LIMA1: variants seen among roughly 807,000 people sequenced by gnomAD.
The protein encoded by LIMA1 is LIM domain and actin binding 1.
Under a neutral mutation model 62.6 loss-of-function variants are expected in LIMA1, and 52 were observed. That is an observed-to-expected ratio of 0.83 (90% confidence interval 0.67 to 1.05). LIMA1 has a LOEUF of 1.05. Among genes scored for constraint, LIMA1 ranks in the 50% least tolerant of loss-of-function variants. LIMA1 has a pLI of 0.00. For synonymous variants in LIMA1, 302 were observed against 317.8 expected, an observed-to-expected ratio of 0.95 and a Z score of 0.53; for missense variants, 780 against 902.2, an observed-to-expected ratio of 0.86 and a Z score of 1.74.
chr12:50,199,208 G>A (rs960817412), intron 7 of LIMA1, among the ~76,000 whole-genome samples: 6 of 152,110 alleles, frequency 3.9e-5, no homozygotes, highest in Admixed American at 1.3e-4. Context: ...GCACGTACCC[G>A]GAATCACAGT....
At chr12:50,280,082 T>C (rs1012726354) in intron 1 of LIMA1, among the ~76,000 whole-genome samples, 2 of 149,154 alleles carry the variant, frequency 1.3e-5, no homozygotes, top group African/African-American at 2.5e-5. Context: ...TTATCAGAAG[T>C]ACAAAAAAGT....
intron 5 of LIMA1, among the ~76,000 whole-genome samples, chr12:50,204,943 G>A (rs776023125): frequency 6.6e-6 from 1 of 152,078 alleles, no homozygotes; most frequent in Admixed American, 6.6e-5. Flanking sequence ...TAAATTTTGG[G>A]TTATTTTTAT....
At chr12:50,267,521 C>T (rs1381730082) in intron 1 of LIMA1, among the ~76,000 whole-genome samples, 2 of 142,902 alleles carry the variant, frequency 1.4e-5, no homozygotes, top group Admixed American at 7.0e-5. Context: ...CCCCTGGCCA[C>T]ATTTACTTTT....
intron 3 of LIMA1, among the ~76,000 whole-genome samples, chr12:50,228,747 ATG>A (rs1941567929): frequency 6.6e-6 from 1 of 152,240 alleles, no homozygotes; most frequent in Non-Finnish European, 1.5e-5. Flanking sequence ...TTAATAAAAC[ATG>A]TTACAGTTTA....
intron 1 of LIMA1, among the ~76,000 whole-genome samples, chr12:50,257,315 TC>T (rs1942009308): frequency 6.6e-6 from 1 of 152,178 alleles, no homozygotes; most frequent in Non-Finnish European, 1.5e-5. Context: ...TCCAGGCTGG[TC>T]TCAAATTCCT....
intron 3 of LIMA1, among the ~76,000 whole-genome samples, chr12:50,226,964 G>A (rs1941539717): frequency 6.7e-6 from 1 of 148,928 alleles, no homozygotes; most frequent in Admixed American, 6.7e-5. Context: ...TATATGGTGG[G>A]GTCCCTCAGG....
chr12:50,243,996 C>T (rs2138626286), intron 2 of LIMA1, among the ~76,000 whole-genome samples: 1 of 152,174 alleles, frequency 6.6e-6, no homozygotes, highest in South Asian at 2.1e-4. Flanking sequence ...CTCACCACAA[C>T]CTCCGCCTCC....
At chr12:50,200,939 CT>C in intron 6 of LIMA1, 55 bp from the exon 7 acceptor site, 4 of 1,583,944 alleles carry the variant, frequency 2.5e-6, no homozygotes, top group Non-Finnish European at 3.4e-6. Flanking sequence ...ATTCTGTTCT[CT>C]TCATAGCACA....
intron 1 of LIMA1, among the ~76,000 whole-genome samples, chr12:50,257,362 G>A (rs1312806788): frequency 6.6e-6 from 1 of 152,130 alleles, no homozygotes; most frequent in Admixed American, 6.5e-5. Context: ...AAGAGTGAGG[G>A]TCGTGATCAA....
intron 6 of LIMA1, chr12:50,201,347 T>G (rs769684596): frequency 2.0e-6 from 2 of 985,686 alleles, no homozygotes; most frequent in Non-Finnish European, 2.4e-6. Flanking sequence ...ACAGGGATGA[T>G]GTATACATAT....
At chr12:50,190,119 G>A (rs1277067235) in intron 9 of LIMA1, 1 of 147,100 alleles carries the variant, frequency 6.8e-6, no homozygotes, top group Non-Finnish European at 1.5e-5. Context: ...CCGGGTTCAA[G>A]TGATTCTCCT....
intron 9 of LIMA1, chr12:50,189,622 T>C (rs1423420484): frequency 6.6e-6 from 1 of 152,240 alleles, no homozygotes; most frequent in Non-Finnish European, 1.5e-5. Flanking sequence ...AAAATAAGTT[T>C]TGCATTTTTA....
rs752660878 is a variant in LIMA1 at position 50,192,489 on chromosome 12, G to C, written c.1103C>G (p.Ser368Cys). Residue 368 changes from serine (S) to cysteine (C), a missense_variant, in exon 9 of 11, where the codon TCC becomes TGC. By Grantham distance (112) the Ser-to-Cys change is moderately radical (BLOSUM62 -1). Transcript: ENST00000341247. Reference protein sequence around the residue: ...PKPLSPDSRASSLSESSPPKA... With the variant: ...PKPLSPDSRACSLSESSPPKA... ...GGGAGGAGAACTTTCAGAAAGACTG[G>C]AGGCTCTGGAATCTGGACTTAGTGG... The C allele has an allele frequency of 7.4e-6, 12 of 1,613,944 alleles. No individual in the cohort carries two copies. Among genetic ancestry groups the C allele is most frequent in the South Asian group, 1.1e-5 (1 of 91,078 alleles).
chr12:50,247,639 T>TTA (rs368319543), intron 2 of LIMA1, among the ~76,000 whole-genome samples: 1 of 149,548 alleles, frequency 6.7e-6, no homozygotes, highest in Non-Finnish European at 1.5e-5. Context: ...ATTATTATTA[T>TTA]TTAAGACAGA....
intron 1 of LIMA1, among the ~76,000 whole-genome samples, chr12:50,259,497 T>C (rs999072872): frequency 6.6e-6 from 1 of 152,222 alleles, no homozygotes; most frequent in Non-Finnish European, 1.5e-5. Flanking sequence ...ACTGAATGCT[T>C]ATCCTGCAGT....
intron 2 of LIMA1, among the ~76,000 whole-genome samples, chr12:50,237,966 C>T (rs1017534025): frequency 2.6e-5 from 4 of 152,210 alleles, no homozygotes; most frequent in African/African-American, 9.7e-5. Flanking sequence ...AGAGCTGAAA[C>T]TATAAAACTC....
intron 1 of LIMA1, among the ~76,000 whole-genome samples, chr12:50,261,281 T>C (rs1386890194): frequency 6.6e-6 from 1 of 151,754 alleles, no homozygotes; most frequent in Non-Finnish European, 1.5e-5. Flanking sequence ...CTCCATCTCC[T>C]GACCTCGTGA....
At chr12:50,220,621 G>A (rs1030313697) in intron 4 of LIMA1, 10 of 152,152 alleles carry the variant, frequency 6.6e-5, no homozygotes, top group African/African-American at 2.4e-4. Flanking sequence ...GGTCTGGGAG[G>A]AGGAGACTTA....
intron 1 of LIMA1, among the ~76,000 whole-genome samples, chr12:50,276,687 T>C (rs1942279360): frequency 6.6e-6 from 1 of 152,026 alleles, no homozygotes; most frequent in Non-Finnish European, 1.5e-5. Context: ...CTGGCCAATA[T>C]GGAGAAACCC....
Sources: allele counts gnomAD v4.1 joint callset (sites outside exome capture counted in the v4.1 genomes callset), GRCh38; gene constraint gnomAD v4.1.1; transcripts MANE v1.5; gene names NCBI Gene and HGNC (gene_info 2026-07-23, HGNC 2026-07-21).